GPR39: variants seen among roughly 807,000 people sequenced by gnomAD.
The protein encoded by GPR39 is G protein-coupled receptor 39.
GPR39 carries 23 observed loss-of-function variants against 18.4 expected under a neutral mutation model. The observed-to-expected ratio is 1.25, with a 90% CI of 0.90 to 1.77. The LOEUF (loss-of-function observed/expected upper bound fraction) is 1.77. Among genes scored for constraint, GPR39 ranks in the 40% most tolerant of loss-of-function variants. GPR39 has a pLI of 0.00. For missense variants in GPR39, 647 were observed against 602.4 expected, an observed-to-expected ratio of 1.07 and a Z score of -0.78; for synonymous variants, 280 against 257.9, an observed-to-expected ratio of 1.09 and a Z score of -0.82.
At chr2:132,546,002 C>T (rs1679942102) in intron 1 of GPR39, among the ~76,000 whole-genome samples, 1 of 152,188 alleles carries the variant, frequency 6.6e-6, no homozygotes, top group South Asian at 2.1e-4. Context: ...CAGTCTAGAC[C>T]TCTGAGGATG....
At chr2:132,568,014 G>A (rs1558842716) in intron 1 of GPR39, among the ~76,000 whole-genome samples, 1 of 152,086 alleles carries the variant, frequency 6.6e-6, no homozygotes, top group Non-Finnish European at 1.5e-5. Flanking sequence ...AAATTGCCCA[G>A]TCTCAGATTT....
chr2:132,538,324 T>A (rs3115037), intron 1 of GPR39, among the ~76,000 whole-genome samples: 3 of 152,112 alleles, frequency 2.0e-5, no homozygotes, highest in Non-Finnish European at 4.4e-5. Flanking sequence ...CAGATCTGCT[T>A]CAGTTTGCTG....
At chr2:132,623,475 C>T (rs138692535) in intron 1 of GPR39, among the ~76,000 whole-genome samples, 185 of 152,276 alleles carry the variant, frequency 1.2e-3, no homozygotes, top group Middle Eastern at 0.01. Context: ...CTGGTGCCAC[C>T]TCAAAAGTCA....
chr2:132,438,017 A>G (rs1680361818), intron 1 of GPR39, among the ~76,000 whole-genome samples: 1 of 152,196 alleles, frequency 6.6e-6, no homozygotes, highest in South Asian at 2.1e-4. Flanking sequence ...TGTTGTCATA[A>G]CAGTATTGCC....
At chr2:132,640,707 T>C (rs1167869946) in intron 1 of GPR39, among the ~76,000 whole-genome samples, 3 of 152,222 alleles carry the variant, frequency 2.0e-5, no homozygotes, top group Non-Finnish European at 4.4e-5. Flanking sequence ...TTTAATACAC[T>C]CTATTAGGGC....
chr2:132,547,962 C>T (rs761670158), intron 1 of GPR39, among the ~76,000 whole-genome samples: 3 of 152,128 alleles, frequency 2.0e-5, no homozygotes, highest in Non-Finnish European at 4.4e-5. Context: ...CTTTACTGGG[C>T]TGGAAATTTC....
intron 1 of GPR39, among the ~76,000 whole-genome samples, chr2:132,615,609 G>C (rs1246719629): frequency 1.3e-5 from 2 of 152,144 alleles, no homozygotes; most frequent in Admixed American, 1.3e-4. Context: ...GCCAGCTACT[G>C]CTCCAGGGGT....
Position 132,645,430 on chromosome 2 carries a change from T to A in GPR39, c.1186T>A (p.Ser396Thr). The change falls in exon 2 of 2, where the codon TCC becomes ACC. Residue 396 changes from serine (S) to threonine (T), a missense_variant. By Grantham distance (58) the Ser-to-Thr change is moderately conservative (BLOSUM62 1). Coordinates refer to ENST00000329321, the MANE Select transcript of GPR39 (RefSeq NM_001508.3). Reference protein sequence around the residue: ...RFVQRPLLFASRRQSSARRTE... With the variant: ...RFVQRPLLFATRRQSSARRTE... The stretch of plus-strand genomic sequence containing the variant: ...TGTGCAGCGCCCGTTGCTCTTCGCG[T>A]CCCGGCGCCAGTCCTCTGCAAGGAG... The A allele has an allele frequency of 6.2e-7, 1 of 1,613,604 alleles. No homozygotes were observed. The highest frequency in any genetic ancestry group is 8.5e-7 in the Non-Finnish European group (1 of 1,180,026).
chr2:132,491,842 C>T (rs1439765886), intron 1 of GPR39, among the ~76,000 whole-genome samples: 1 of 151,816 alleles, frequency 6.6e-6, no homozygotes, highest in Non-Finnish European at 1.5e-5. Flanking sequence ...GTGCCTCACT[C>T]CCCTCCCCTG....
intron 1 of GPR39, among the ~76,000 whole-genome samples, chr2:132,536,784 G>T (rs933238499): frequency 6.6e-6 from 1 of 152,306 alleles, no homozygotes; most frequent in African/African-American, 2.4e-5. Context: ...AGGATAGTTT[G>T]CACTTCTTGT....
chr2:132,490,226 A>T (rs1166657546), intron 1 of GPR39, among the ~76,000 whole-genome samples: 1 of 151,916 alleles, frequency 6.6e-6, no homozygotes, highest in Non-Finnish European at 1.5e-5. Context: ...ATGCACATAT[A>T]CTTTTCTTTG....
chr2:132,492,636 C>T (rs1223958359), intron 1 of GPR39, among the ~76,000 whole-genome samples: 1 of 137,418 alleles, frequency 7.3e-6, no homozygotes, highest in Non-Finnish European at 1.5e-5. Context: ...TATATATACA[C>T]ACCATCTATA....
At chr2:132,577,456 T>C (rs752835628) in intron 1 of GPR39, among the ~76,000 whole-genome samples, 1 of 152,234 alleles carries the variant, frequency 6.6e-6, no homozygotes, top group Non-Finnish European at 1.5e-5. Flanking sequence ...AAAGGAATTG[T>C]ATTAAATCTG....
intron 1 of GPR39, among the ~76,000 whole-genome samples, chr2:132,492,555 A>T (rs1681501040): frequency 7.0e-6 from 1 of 142,130 alleles, no homozygotes; most frequent in South Asian, 2.3e-4. Context: ...TATATACACC[A>T]TATATACGAT....
At chr2:132,448,775 C>T (rs1469836897) in intron 1 of GPR39, among the ~76,000 whole-genome samples, 2 of 152,134 alleles carry the variant, frequency 1.3e-5, no homozygotes, top group Non-Finnish European at 2.9e-5. Flanking sequence ...TGACTGCCAC[C>T]AACTCACTTC....
chr2:132,634,508 C>A (rs935116167), intron 1 of GPR39, among the ~76,000 whole-genome samples: 1 of 152,140 alleles, frequency 6.6e-6, no homozygotes, highest in Non-Finnish European at 1.5e-5. Context: ...TTTTGTCCTT[C>A]CCAAATCCTT....
intron 1 of GPR39, among the ~76,000 whole-genome samples, chr2:132,453,486 TA>T (rs1185716984): frequency 6.6e-6 from 1 of 152,226 alleles, no homozygotes; most frequent in African/African-American, 2.4e-5. Flanking sequence ...TTAGTTTAAT[TA>T]GATCCCATTT....
intron 1 of GPR39, among the ~76,000 whole-genome samples, chr2:132,454,180 T>C (rs1326907571): frequency 6.6e-6 from 1 of 152,246 alleles, no homozygotes; most frequent in Non-Finnish European, 1.5e-5. Context: ...GTAGTTCTCC[T>C]TGAAGAGGTC....
At chr2:132,534,751 A>G (rs1679717024) in intron 1 of GPR39, among the ~76,000 whole-genome samples, 5 of 151,942 alleles carry the variant, frequency 3.3e-5, no homozygotes, top group Admixed American at 6.6e-5. Context: ...AAAAAACTAA[A>G]CACCACATTT....
Sources: gnomAD v4.1 joint callset for allele counts (sites outside exome capture counted in the v4.1 genomes callset) on GRCh38, gnomAD v4.1.1 for gene constraint, MANE v1.5 for transcripts, NCBI Gene and HGNC (gene_info 2026-07-23, HGNC 2026-07-21) for gene names.